PTHLH: variants seen among roughly 807,000 people sequenced by gnomAD.
PTHLH encodes the protein parathyroid hormone like hormone.
In PTHLH, 5 loss-of-function variants were observed where a neutral mutation model predicts 18.6. The observed-to-expected ratio is 0.27, with a 90% confidence interval of 0.14 to 0.56. PTHLH has a LOEUF of 0.56. Ranked by LOEUF, PTHLH falls within the 20% of genes least tolerant of loss-of-function variation. The pLI is 0.92. For missense variants in PTHLH, 207 were observed against 223.9 expected, an observed-to-expected ratio of 0.92 and a Z score of 0.48; for synonymous variants, 90 against 94.0, an observed-to-expected ratio of 0.96 and a Z score of 0.25.
intron 5 of PTHLH, among the ~76,000 whole-genome samples, chr12:27,961,448 C>T (rs2062760379): frequency 6.8e-6 from 1 of 147,530 alleles, no homozygotes; most frequent in Non-Finnish European, 1.5e-5. Context: ...TAATATGTTG[C>T]AATTTATTGA....
At position 27,963,368 on chromosome 12, in the gene PTHLH, C is replaced by T. The variant is rs748476768; in HGVS notation, c.504G>A (p.Thr168=). ...EGDHLSDTST[T]SLELDSRRH The stretch of plus-strand genomic sequence containing the variant: ...GTTACCGTGAATCGAGCTCCAGCGA[C>T]GTTGTGGAGGTGTCAGACAGGTGGT... Residue 168 remains threonine, a synonymous_variant, in exon 5 of 6, where the codon ACG becomes ACA. Transcript: ENST00000545234. 19 of 1,614,106 alleles carry T rather than the reference C, an allele frequency of 1.2e-5. No homozygotes were observed. The highest frequency in any genetic ancestry group is 1.4e-5 in the Non-Finnish European group (17 of 1,180,050).
chr12:27,960,749 T>C (rs1403903400), intron 5 of PTHLH, among the ~76,000 whole-genome samples: 2 of 151,698 alleles, frequency 1.3e-5, no homozygotes, highest in Admixed American at 1.3e-4. Context: ...ATATTGTTTT[T>C]CAAACTATTG....
intron 5 of PTHLH, 173 bp from the exon 6 acceptor site, chr12:27,958,741 T>A: frequency 1.7e-6 from 1 of 582,334 alleles, no homozygotes; most frequent in Non-Finnish European, 2.9e-6. Context: ...TCCACCCAGA[T>A]CTCCATAACC....
chr12:27,970,401 CG>C (rs985741790), intron 2 of PTHLH, 134 bp from the exon 3 acceptor site: 4 of 148,356 alleles, frequency 2.7e-5, no homozygotes, highest in Non-Finnish European at 6.0e-5. Context: ...ACGGGCCCCG[CG>C]CCGCCCGAGC....
Position 27,969,449 on chromosome 12 carries a change from G to T in PTHLH, c.46C>A (p.Leu16Met). The T allele has an allele frequency of 1.3e-6, 2 of 1,594,640 alleles. No homozygotes were observed. The highest frequency in any genetic ancestry group is 1.7e-6 in the Non-Finnish European group (2 of 1,172,468). ...VQQWSVAVFL[L>M]SYAVPSCGRS... ...CCGCAGGAGGGCACCGCGTAGCTCA[G>T]CAGGAACACCGCGACGCTCCACTGC... The change falls in exon 4 of 6, where the codon CTG (leucine) becomes ATG (methionine). Residue 16 changes from leucine to methionine, a missense_variant. By Grantham distance (15) the Leu-to-Met change is conservative. Transcript: ENST00000545234.
At chr12:27,971,011 C>CA (rs992446079) in intron 2 of PTHLH, among the ~76,000 whole-genome samples, 5 of 152,048 alleles carry the variant, frequency 3.3e-5, no homozygotes, top group East Asian at 3.9e-4. Context: ...GAGCCGGTCC[C>CA]AAAAAACCCG....
intron 4 of PTHLH, among the ~76,000 whole-genome samples, chr12:27,964,717 G>A (rs1290946209): frequency 6.6e-6 from 1 of 152,040 alleles, no homozygotes; most frequent in Admixed American, 6.5e-5. Flanking sequence ...AAATATAAAG[G>A]ATTTTTCTAT....
In PTHLH at chr12:27,963,370, T is replaced by G; in HGVS notation, c.502A>C (p.Thr168Pro). The G allele has an allele frequency of 6.2e-7, 1 of 1,614,164 alleles. No homozygotes were observed. The highest frequency in any genetic ancestry group is 8.5e-7 in the Non-Finnish European group (1 of 1,180,028). ...EGDHLSDTST[T>P]SLELDSRRH ...TACCGTGAATCGAGCTCCAGCGACG[T>G]TGTGGAGGTGTCAGACAGGTGGTCC... The change falls in exon 5 of 6, where the codon ACG becomes CCG. Residue 168 changes from threonine (T) to proline (P), a missense_variant. Transcript: ENST00000545234.
rs754612994 is a variant in PTHLH at position 27,963,359 on chromosome 12, C to T, written c.513G>A (p.Glu171=). The T allele has an allele frequency of 1.2e-6, 2 of 1,614,212 alleles. No homozygotes were observed. The highest frequency in any genetic ancestry group is 1.1e-5 in the South Asian group (1 of 91,086). Residue 171 remains glutamate, a synonymous_variant, in exon 5 of 6, where the codon GAG becomes GAA. Coordinates refer to ENST00000545234, the MANE Select transcript of PTHLH (RefSeq NM_198965.2). ...GAGAAGCCTGTTACCGTGAATCGAG[C>T]TCCAGCGACGTTGTGGAGGTGTCAG... ...HLSDTSTTSL[E]LDSRRH
intron 5 of PTHLH, chr12:27,961,661 G>A (rs1420209031): frequency 2.9e-6 from 1 of 348,010 alleles, no homozygotes; most frequent in Non-Finnish European, 5.2e-6. Flanking sequence ...TTACCCTTTA[G>A]AGATCCATTA....
Position 27,972,573 on chromosome 12 carries a change from A to C in PTHLH, c.-409T>G. On this transcript the variant is annotated 5_prime_UTR_variant, in exon 1 of 6. It adds an upstream start codon to the 5' untranslated region. Coordinates refer to ENST00000545234, the MANE Select transcript of PTHLH (RefSeq NM_198965.2). ...TCTGCTCTTCTGGCTGAAAGAGGGA[A>C]ATCTTCTCAGCAGTCTTTTCCAGAA... The C allele has an allele frequency of 6.6e-6, 1 of 152,210 alleles. No homozygotes were observed. Among genetic ancestry groups the C allele is most frequent in the East Asian group, 1.9e-4 (1 of 5,198 alleles). 9.4% of individuals were successfully genotyped at this position (152,210 alleles called of 1,614,324 possible).
chr12:27,961,770 T>C (rs1355117061), intron 5 of PTHLH: 26 of 537,178 alleles, frequency 4.8e-5, no homozygotes, highest in Non-Finnish European at 8.1e-5. Context: ...ATGATTGCTA[T>C]TTTATGTGCT....
chr12:27,961,223 A>G (rs930896944), intron 5 of PTHLH, among the ~76,000 whole-genome samples: 2 of 149,376 alleles, frequency 1.3e-5, no homozygotes, highest in African/African-American at 4.9e-5. Context: ...GAACATTGCA[A>G]ATTTGAAATA....
At chr12:27,961,682 G>A (rs1591846830) in intron 5 of PTHLH, 1 of 415,984 alleles carries the variant, frequency 2.4e-6, no homozygotes, top group Non-Finnish European at 4.2e-6. Flanking sequence ...GATGTTTGCA[G>A]GATAGGTCAT....
chr12:27,963,689 G>C lies in PTHLH; in HGVS notation c.183C>G (p.His61Gln), dbSNP rs1336070802. The C allele has an allele frequency of 6.2e-7, 1 of 1,613,620 alleles. No homozygotes were observed. The highest frequency in any genetic ancestry group is 1.7e-5 in the Admixed American group (1 of 59,934). ...IQDLRRRFFL[H>Q]HLIAEIHTAE... is the part of the protein sequence containing the mutation. ...CTGTGTGGATTTCTGCGATCAGATGGTGAAGGAAGAATCGTCGCCGTAAAT... is the reference window on the plus strand; with the variant it reads ...CTGTGTGGATTTCTGCGATCAGATGCTGAAGGAAGAATCGTCGCCGTAAAT... Residue 61 changes from histidine (H) to glutamine (Q), a missense_variant, in exon 5 of 6, where the codon CAC becomes CAG. Transcript: ENST00000545234.
chr12:27,962,232 CTAGA>C lies in PTHLH; in HGVS notation c.524+1112_524+1115del, dbSNP rs35742272. 336 of 255,046 alleles carry C rather than the reference CTAGA, an allele frequency of 1.3e-3. 1 individual carries two copies. Among genetic ancestry groups the C allele is most frequent in the South Asian group, 0.01 (93 of 8,932 alleles). The allele number at this position is 255,046 out of a possible 1,614,324, so 15.8% of individuals were successfully genotyped here. On this transcript the variant is annotated intron_variant, in intron 5 of 5. Coordinates refer to ENST00000545234, the MANE Select transcript of PTHLH (RefSeq NM_198965.2). The stretch of plus-strand genomic sequence containing the variant: ...TTTTGCCTCATAGAAACATACCCCC[CTAGA>C]TAGATAGATAGATAGATAGATAGAT...
At chr12:27,968,907 T>G (rs2062841015) in intron 4 of PTHLH, among the ~76,000 whole-genome samples, 1 of 152,204 alleles carries the variant, frequency 6.6e-6, no homozygotes, top group Non-Finnish European at 1.5e-5. Flanking sequence ...GTGTTCCTAT[T>G]TTATATGCTT....
Position 27,963,499 on chromosome 12 carries a change from T to C in PTHLH, c.373A>G (p.Lys125Glu). The C allele has an allele frequency of 1.2e-6, 2 of 1,614,230 alleles. No individual in the cohort carries two copies. Among genetic ancestry groups the C allele is most frequent in the Admixed American group, 1.7e-5 (1 of 60,032 alleles). Residue 125 changes from lysine to glutamate, a missense_variant, in exon 5 of 6, where the codon AAA becomes GAA. Coordinates refer to ENST00000545234, the MANE Select transcript of PTHLH (RefSeq NM_198965.2). ...KEQPLKTPGK[K>E]KKGKPGKRKE... ...CGTTTCCCGGGCTTGCCTTTCTTTT[T>C]CTTCCCAGGTGTCTTGAGCGGCTGC...
At chr12:27,961,311 A>AAG (rs3032442) in intron 5 of PTHLH, among the ~76,000 whole-genome samples, 29 of 108,680 alleles carry the variant, frequency 2.7e-4, no homozygotes, top group South Asian at 5.8e-4. Context: ...GTATATATAT[A>AAG]TATATATATA....
Sources: allele counts gnomAD v4.1 joint callset (sites outside exome capture counted in the v4.1 genomes callset), GRCh38; gene constraint gnomAD v4.1.1; transcripts MANE v1.5; gene names NCBI Gene and HGNC (gene_info 2026-07-23, HGNC 2026-07-21).